CEP128: variants seen among roughly 807,000 people sequenced by gnomAD.
The protein encoded by CEP128 is centrosomal protein 128.
In CEP128, 132 loss-of-function variants were observed where a neutral mutation model predicts 156.7. The observed-to-expected ratio is 0.84, with a 90% CI of 0.73 to 0.97. CEP128 has a LOEUF of 0.97. Among genes scored for constraint, CEP128 ranks in the 50% least tolerant of loss-of-function variants. The probability of loss-of-function intolerance (pLI) is 0.00; values close to 1 mark genes in which losing one functional copy is unlikely to be tolerated. For synonymous variants in CEP128, 469 were observed against 448.9 expected (o/e 1.04, Z -0.57); for missense variants, 1,252 against 1,281.9 (o/e 0.98, Z 0.36).
rs1437148921 is a variant in CEP128 at position 80,779,762 on chromosome 14, C to A, written c.2212-1716G>T. ...TCAAATATTTACCAGCACACCAATG[C>A]GAAGCTTGACTAACAACTTACTTAT... On this transcript the variant is annotated intron_variant, in intron 15 of 24. Transcript: ENST00000555265. 3.9e-5 allele frequency among the ~76,000 whole-genome samples: 6 copies of A among 152,178 alleles called. No homozygotes were observed. The South Asian group carries it at 6.2e-4, about 16-fold the overall frequency.
intron 19 of CEP128, among the ~76,000 whole-genome samples, chr14:80,680,646 T>C (rs2139246963): frequency 6.6e-6 from 1 of 152,238 alleles, no homozygotes; most frequent in South Asian, 2.1e-4. Context: ...CTGCAGTCCA[T>C]ACCCACATGT....
At chr14:80,534,468 T>C (rs1889383975) in intron 21 of CEP128, among the ~76,000 whole-genome samples, 1 of 152,284 alleles carries the variant, frequency 6.6e-6, no homozygotes. Flanking sequence ...GTTTTCTAAG[T>C]TGGTTAATTT....
chr14:80,690,029 T>A (rs915658466), intron 19 of CEP128, among the ~76,000 whole-genome samples: 6 of 151,996 alleles, frequency 3.9e-5, no homozygotes, highest in Non-Finnish European at 7.4e-5. Context: ...ATATCAACCA[T>A]CCATCCTGTT....
intron 19 of CEP128, among the ~76,000 whole-genome samples, chr14:80,584,286 C>T (rs1000525549): frequency 6.6e-6 from 1 of 151,510 alleles, no homozygotes; most frequent in Non-Finnish European, 1.5e-5. Context: ...AGCTGGATTA[C>T]AGGTGCCAGC....
At chr14:80,701,412 G>A (rs577305396) in intron 19 of CEP128, among the ~76,000 whole-genome samples, 2 of 152,230 alleles carry the variant, frequency 1.3e-5, no homozygotes, top group South Asian at 4.2e-4. Context: ...CAAGATGAAA[G>A]GCAGCAGATG....
At chr14:80,884,696 C>T (rs1401571922) in intron 8 of CEP128, among the ~76,000 whole-genome samples, 3 of 152,182 alleles carry the variant, frequency 2.0e-5, no homozygotes, top group Non-Finnish European at 4.4e-5. Flanking sequence ...GCCTTCACCA[C>T]CAGGGCCCTG....
At chr14:80,655,883 C>CT (rs1895110331) in intron 19 of CEP128, among the ~76,000 whole-genome samples, 1 of 152,010 alleles carries the variant, frequency 6.6e-6, no homozygotes, top group African/African-American at 2.4e-5. Context: ...AAAGGAAGTC[C>CT]TTTTTTTGTT....
At chr14:80,740,042 T>C (rs895840235) in intron 19 of CEP128, among the ~76,000 whole-genome samples, 3 of 152,160 alleles carry the variant, frequency 2.0e-5, no homozygotes, top group Non-Finnish European at 2.9e-5. Context: ...AGATATCATC[T>C]CTGTCTTTCT....
intron 22 of CEP128, chr14:80,527,329 C>G: frequency 2.7e-6 from 1 of 368,264 alleles, no homozygotes; most frequent in Non-Finnish European, 5.5e-6. Flanking sequence ...ACTCAGGAGG[C>G]TGAGGTGGGA....
intron 21 of CEP128, among the ~76,000 whole-genome samples, chr14:80,548,483 A>C (rs1890079913): frequency 1.3e-5 from 2 of 152,236 alleles, no homozygotes; most frequent in Non-Finnish European, 1.5e-5. Context: ...GGATCTTAAA[A>C]AGATATCAAA....
chr14:80,851,924 T>C (rs1886910501), intron 9 of CEP128, among the ~76,000 whole-genome samples: 1 of 151,928 alleles, frequency 6.6e-6, no homozygotes, highest in African/African-American at 2.4e-5. Flanking sequence ...TAATTATACA[T>C]AAGATACCAC....
chr14:80,584,459 C>G lies in CEP128; in HGVS notation c.2807-4036G>C, dbSNP rs144221588. On this transcript the variant is annotated intron_variant, in intron 19 of 24. Transcript: ENST00000555265. ...CTGCCTCTGGCCCATCCATATTTTA[C>G]ATCCATGTTCTCCTTAACTACTGCC... 5.6e-3 allele frequency among the ~76,000 whole-genome samples: 846 copies of G among 152,146 alleles called. 6 individuals are homozygous for G. The highest frequency in any genetic ancestry group is 0.019 in the African/African-American group (807 of 41,514).
intron 3 of CEP128, among the ~76,000 whole-genome samples, chr14:80,914,761 C>A (rs991834818): frequency 1.3e-5 from 2 of 152,096 alleles, no homozygotes; most frequent in African/African-American, 4.8e-5. Context: ...TCTGAAAGAG[C>A]AAATCTAGTA....
chr14:80,885,293 T>A (rs760340828), intron 8 of CEP128, among the ~76,000 whole-genome samples: 1 of 152,164 alleles, frequency 6.6e-6, no homozygotes, highest in Non-Finnish European at 1.5e-5. Flanking sequence ...ACAGACTGCC[T>A]CCTCAAGTGG....
rs550209744 is a variant in CEP128 at position 80,684,654 on chromosome 14, A to C, written c.2806+58421T>G. On this transcript the variant is annotated intron_variant, in intron 19 of 24. Transcript: ENST00000555265. ...CTAGCAAAGACACAACAAAAAACAT[A>C]ACTGCAAGTCAATATCTCTGAGAAA... Among the ~76,000 whole-genome samples the C allele has an allele frequency of 1.2e-4, 19 of 152,016 alleles. No homozygotes were observed. The South Asian group carries it at 4.0e-3, about 32-fold the overall frequency.
chr14:80,861,748 C>T (rs228117), intron 9 of CEP128, among the ~76,000 whole-genome samples: 1,897 of 152,138 alleles, frequency 0.012, 47 homozygotes, highest in African/African-American at 0.041. Flanking sequence ...TTGAATAAAA[C>T]GTATAGATTA....
intron 13 of CEP128, among the ~76,000 whole-genome samples, chr14:80,821,628 CACACACACACACACAT>C (rs2139999869): frequency 1.8e-5 from 2 of 110,158 alleles, no homozygotes; most frequent in African/African-American, 5.8e-5. Flanking sequence ...CACACACACA[CACACACACACACACAT>C]GCACACAAAG....
At chr14:80,853,465 T>C (rs887742848) in intron 9 of CEP128, among the ~76,000 whole-genome samples, 11 of 151,730 alleles carry the variant, frequency 7.2e-5, no homozygotes, top group African/African-American at 2.7e-4. Flanking sequence ...GAACCATATA[T>C]GAAGCCAGTT....
At chr14:80,685,466 C>T (rs1896488059) in intron 19 of CEP128, among the ~76,000 whole-genome samples, 1 of 151,914 alleles carries the variant, frequency 6.6e-6, no homozygotes. Flanking sequence ...AATGGAAAAA[C>T]ATTCCATGCT....
Sources: allele counts gnomAD v4.1 joint callset (sites outside exome capture counted in the v4.1 genomes callset), GRCh38; gene constraint gnomAD v4.1.1; transcripts MANE v1.5; gene names NCBI Gene and HGNC (gene_info 2026-07-23, HGNC 2026-07-21).